TSPYL6: variants seen among roughly 807,000 people sequenced by gnomAD.
TSPYL6 encodes the protein TSPY like 6.
For missense variants in TSPYL6, 699 were observed against 531.5 expected (o/e 1.32, Z -3.10); for synonymous variants, 259 against 214.8 (o/e 1.21, Z -1.80).
In TSPYL6 at chr2:54,253,840, G is replaced by A. The variant is rs1162759046; in HGVS notation, c.*1079C>T. The A allele has an allele frequency of 6.6e-6, 1 of 152,266 alleles. No individual in the cohort carries two copies. Among genetic ancestry groups the A allele is most frequent in the Admixed American group, 6.5e-5 (1 of 15,284 alleles). 9.4% of individuals were successfully genotyped at this position (152,266 alleles called of 1,614,324 possible). A position where few individuals can be genotyped will look rare whatever the true frequency, so the allele number is the denominator to read the frequency against. On this transcript the variant is annotated 3_prime_UTR_variant, in exon 1 of 1. Transcript: ENST00000317802. Reference sequence around the variant, plus strand: ...GAAGAAAGGAGAATGGGCAATAAGAGGTCTGGCAGTCTATTTTACAGAACA... The same window carrying A: ...GAAGAAAGGAGAATGGGCAATAAGAAGTCTGGCAGTCTATTTTACAGAACA...
At position 54,255,280 on chromosome 2, in the gene TSPYL6, C is replaced by T. The variant is rs1360800937; in HGVS notation, c.872G>A (p.Gly291Asp). ...EVKELRHPRT[G>D]CKFKFFFQRN... ...TTGAAAGAAGAACTTAAACTTGCAG[C>T]CTGTCCTAGGGTGTCTGAGCTCCTT... Residue 291 changes from glycine to aspartate, a missense_variant, in exon 1 of 1, where the codon GGC becomes GAC. By Grantham distance (94) the Gly-to-Asp change is moderately conservative. Coordinates refer to ENST00000317802, the MANE Select transcript of TSPYL6 (RefSeq NM_001003937.3). The T allele has an allele frequency of 6.2e-7, 1 of 1,614,174 alleles. No homozygotes were observed. Among genetic ancestry groups the T allele is most frequent in the Non-Finnish European group, 8.5e-7 (1 of 1,180,034 alleles).
rs536180436 is a variant in TSPYL6 at position 54,256,041 on chromosome 2, T to C, written c.111A>G (p.Ala37=). 6.2e-7 allele frequency: 1 copy of C among 1,614,126 alleles called. No individual in the cohort carries two copies. The highest frequency in any genetic ancestry group is 2.2e-5 in the East Asian group (1 of 44,876). ...REKSKATEVM[A]DMFDGRLEPI... is the part of the protein sequence containing the mutation. ...GCTCCAAGCGGCCATCAAACATATC[T>C]GCCATTACCTCTGTCGCCTTGCTCT... Residue 37 remains alanine (A), a synonymous_variant, in exon 1 of 1, where the codon GCA becomes GCG. Coordinates refer to ENST00000317802, the MANE Select transcript of TSPYL6 (RefSeq NM_001003937.3).
At chr2:54,255,479 G>A in the TSPYL6 span, 1 of 1,614,008 alleles carries the variant, frequency 6.2e-7, no homozygotes. Flanking sequence ...CGCTCCACCT[G>A]CAGGAGCGCC....
At position 54,255,542 on chromosome 2, in the gene TSPYL6, G is replaced by A. The variant is rs532273037; in HGVS notation, c.610C>T (p.Pro204Ser). ...GPLNVGLHLN[P>S]LESIQLELDS... ...AGTTCCAGCTGGATGGACTCCAGGGGGTTCAGGTGGAGACCCACGTTCAGG... is the reference window on the plus strand; with the variant it reads ...AGTTCCAGCTGGATGGACTCCAGGGAGTTCAGGTGGAGACCCACGTTCAGG... The change falls in exon 1 of 1, where the codon CCC becomes TCC. Residue 204 changes from proline to serine, a missense_variant. Pro to Ser is a moderately conservative substitution (Grantham distance 74). Coordinates refer to ENST00000317802, the MANE Select transcript of TSPYL6 (RefSeq NM_001003937.3). 1.9e-6 allele frequency: 3 copies of A among 1,613,306 alleles called. No homozygotes were observed. The highest frequency in any genetic ancestry group is 1.1e-5 in the South Asian group (1 of 91,038).
chr2:54,256,048 A>G lies in TSPYL6; in HGVS notation c.104T>C (p.Val35Ala), dbSNP rs1305427705. 2 of 1,613,798 alleles carry G rather than the reference A, an allele frequency of 1.2e-6. No homozygotes were observed. The highest frequency in any genetic ancestry group is 4.5e-5 in the East Asian group (2 of 44,836). ...GCGGCCATCAAACATATCTGCCATT[A>G]CCTCTGTCGCCTTGCTCTTTTCTCG... is the stretch of plus-strand genomic sequence containing the variant. ...RSREKSKATE[V>A]MADMFDGRLE... The change falls in exon 1 of 1, where the codon GTA becomes GCA. Residue 35 changes from valine (V) to alanine (A), a missense_variant. Physicochemically the swap from Val to Ala is moderately conservative, Grantham distance 64. Transcript: ENST00000317802.
Position 54,256,180 on chromosome 2 carries a change from A to C in TSPYL6, c.-29T>G. On this transcript the variant is annotated 5_prime_UTR_variant, in exon 1 of 1. Transcript: ENST00000317802. ...GGTAGCGGCCAGGGCAGCAGTGGGT[A>C]GAGGCCAGGCCAGAGGTAGGTAGCG... is the stretch of plus-strand genomic sequence containing the variant. 1 of 1,590,194 alleles carries C rather than the reference A, an allele frequency of 6.3e-7. No individual in the cohort carries two copies. The highest frequency in any genetic ancestry group is 8.6e-7 in the Non-Finnish European group (1 of 1,167,010).
rs904991406 is a variant in TSPYL6, at chr2:54,254,787, G to T, written c.*132C>A. On this transcript the variant is annotated 3_prime_UTR_variant, in exon 1 of 1. Coordinates refer to ENST00000317802, the MANE Select transcript of TSPYL6 (RefSeq NM_001003937.3). ...TCTCAATCTTCAGGTTGAGAGAACG[G>T]AAAGTTTAAACAGAGGGTACAGGAA... The T allele has an allele frequency of 4.6e-6, 4 of 865,604 alleles. No individual in the cohort carries two copies. Among genetic ancestry groups the T allele is most frequent in the Admixed American group, 2.7e-5 (1 of 37,270 alleles). The allele number at this position is 865,604 out of a possible 1,614,324, so 53.6% of individuals were successfully genotyped here. A position where few individuals can be genotyped will look rare whatever the true frequency, so the allele number is the denominator to read the frequency against.
At position 54,256,186 on chromosome 2, in the gene TSPYL6, C is replaced by T. The variant is rs754547518; in HGVS notation, c.-35G>A. The T allele has an allele frequency of 2.5e-6, 4 of 1,579,466 alleles. No individual in the cohort carries two copies. Among genetic ancestry groups the T allele is most frequent in the South Asian group, 1.2e-5 (1 of 85,590 alleles). On this transcript the variant is annotated 5_prime_UTR_variant, in exon 1 of 1. Transcript: ENST00000317802. ...GGCCAGGGCAGCAGTGGGTAGAGGC[C>T]AGGCCAGAGGTAGGTAGCGTCAACG... is the stretch of plus-strand genomic sequence containing the variant.
Position 54,256,185 on chromosome 2 carries a change from C to T in TSPYL6, c.-34G>A. ...CGGCCAGGGCAGCAGTGGGTAGAGG[C>T]CAGGCCAGAGGTAGGTAGCGTCAAC... On this transcript the variant is annotated 5_prime_UTR_variant, in exon 1 of 1. Coordinates refer to ENST00000317802, the MANE Select transcript of TSPYL6 (RefSeq NM_001003937.3). The T allele has an allele frequency of 1.3e-6, 2 of 1,580,712 alleles. No individual in the cohort carries two copies. The highest frequency in any genetic ancestry group is 1.7e-6 in the Non-Finnish European group (2 of 1,162,338).
Position 54,254,758 on chromosome 2 carries a change from A to G in TSPYL6, c.*161T>C. On this transcript the variant is annotated 3_prime_UTR_variant, in exon 1 of 1. Coordinates refer to ENST00000317802, the MANE Select transcript of TSPYL6 (RefSeq NM_001003937.3). ...GTGAAAGGGGAGCAGCACAGCCACC[A>G]AGGTCTCAATCTTCAGGTTGAGAGA... is the stretch of plus-strand genomic sequence containing the variant. 3.0e-6 allele frequency: 2 copies of G among 662,536 alleles called. No individual in the cohort carries two copies. The highest frequency in any genetic ancestry group is 1.8e-5 in the African/African-American group (1 of 55,462). The allele number at this position is 662,536 out of a possible 1,614,324, so 41.0% of individuals were successfully genotyped here. A position where few individuals can be genotyped will look rare whatever the true frequency, so the allele number is the denominator to read the frequency against.
Position 54,255,274 on chromosome 2 carries a change from T to C in TSPYL6, c.878A>G (p.Lys293Arg). The change falls in exon 1 of 1, where the codon AAG becomes AGG. Residue 293 changes from lysine to arginine, a missense_variant. Physicochemically the swap from Lys to Arg is conservative, Grantham distance 26 (BLOSUM62 2). Transcript: ENST00000317802. The stretch of plus-strand genomic sequence containing the variant: ...GTTTCTTTGAAAGAAGAACTTAAAC[T>C]TGCAGCCTGTCCTAGGGTGTCTGAG... ...KELRHPRTGCKFKFFFQRNPY... is the reference protein window; with the variant it reads ...KELRHPRTGCRFKFFFQRNPY... 6.2e-7 allele frequency: 1 copy of C among 1,614,196 alleles called. No homozygotes were observed.
chr2:54,255,048 A>G lies in TSPYL6; in HGVS notation c.1104T>C (p.Ile368=), dbSNP rs747533997. The G allele has an allele frequency of 1.4e-5, 22 of 1,614,004 alleles. No individual in the cohort carries two copies. The Admixed American group carries it at 2.3e-4, about 17-fold the overall frequency. ...GATTTGACCAGAGGTCCTCTTTAAT[A>G]ATCTGAGCAATCCTGTCGGACTCTG... is the stretch of plus-strand genomic sequence containing the variant. ...SLPESDRIAQ[I]IKEDLWSNPL... The change falls in exon 1 of 1, where the codon ATT becomes ATC. Residue 368 remains isoleucine (I), a synonymous_variant. Coordinates refer to ENST00000317802, the MANE Select transcript of TSPYL6 (RefSeq NM_001003937.3).
Position 54,255,096 on chromosome 2 carries a change from G to A in TSPYL6, c.1056C>T (p.Thr352=). The A allele has an allele frequency of 6.2e-7, 1 of 1,614,154 alleles. No homozygotes were observed. The change falls in exon 1 of 1, where the codon ACC becomes ACT. Residue 352 remains threonine, a synonymous_variant. Transcript: ENST00000317802. ...RNRHVICSFF[T]WFSDHSLPES... ...CTGGAAGGCTGTGGTCTGAAAACCAGGTGAAGAAGCTGCAGATGACATGTC... is the reference window on the plus strand; with the variant it reads ...CTGGAAGGCTGTGGTCTGAAAACCAAGTGAAGAAGCTGCAGATGACATGTC...
At position 54,253,677 on chromosome 2, in the gene TSPYL6, A is replaced by G. The variant is rs1687343429; in HGVS notation, c.*1242T>C. On this transcript the variant is annotated 3_prime_UTR_variant, in exon 1 of 1. Coordinates refer to ENST00000317802, the MANE Select transcript of TSPYL6 (RefSeq NM_001003937.3). ...CTGAATCATTTCTGCCTTTTTGTTC[A>G]GTTTTCCCTGCCTAGAGCACCCATC... 1 of 152,328 alleles carries G rather than the reference A, an allele frequency of 6.6e-6. No homozygotes were observed. The highest frequency in any genetic ancestry group is 2.4e-5 in the African/African-American group (1 of 41,558). 9.4% of individuals were successfully genotyped at this position (152,328 alleles called of 1,614,324 possible).
Position 54,255,032 on chromosome 2 carries a change from A to G in TSPYL6, c.1120T>C (p.Trp374Arg). The G allele has an allele frequency of 6.2e-7, 1 of 1,614,188 alleles. No individual in the cohort carries two copies. The highest frequency in any genetic ancestry group is 8.5e-7 in the Non-Finnish European group (1 of 1,180,032). ...AGGTAGTACTGCAGTGGATTTGACC[A>G]GAGGTCCTCTTTAATAATCTGAGCA... is the stretch of plus-strand genomic sequence containing the variant. ...RIAQIIKEDL[W>R]SNPLQYYLLG... Residue 374 changes from tryptophan (W) to arginine (R), a missense_variant, in exon 1 of 1, where the codon TGG (tryptophan) becomes CGG (arginine). By Grantham distance (101) the Trp-to-Arg change is moderately radical. Coordinates refer to ENST00000317802, the MANE Select transcript of TSPYL6 (RefSeq NM_001003937.3).
Position 54,255,685 on chromosome 2 carries a change from G to A in TSPYL6, c.467C>T (p.Ala156Val), listed in dbSNP as rs746095026. 2 of 1,613,762 alleles carry A rather than the reference G, an allele frequency of 1.2e-6. No individual in the cohort carries two copies. Among genetic ancestry groups the A allele is most frequent in the South Asian group, 1.1e-5 (1 of 91,072 alleles). ...CTCATCCACTGGGGCTGAGAACATG[G>A]CACACTCCTCAGGCTTCACGTCCTC... ...KAEDVKPEECAMFSAPVDEKP... is the reference protein window; with the variant it reads ...KAEDVKPEECVMFSAPVDEKP... Residue 156 changes from alanine to valine, a missense_variant, in exon 1 of 1, where the codon GCC (alanine) becomes GTC (valine). By Grantham distance (64) the Ala-to-Val change is moderately conservative. Transcript: ENST00000317802.
chr2:54,255,611 C>T lies in TSPYL6; in HGVS notation c.541G>A (p.Asp181Asn). The stretch of plus-strand genomic sequence containing the variant: ...GGCCCTGCCTCCCTGTTTACCTCAT[C>T]TATTGCTCTGTTTTCTTCCGCCACG... The part of the protein sequence containing the change: ...MDVAEENRAI[D>N]EVNREAGPGP... The change falls in exon 1 of 1, where the codon GAT becomes AAT. Residue 181 changes from aspartate to asparagine, a missense_variant. Physicochemically the swap from Asp to Asn is conservative, Grantham distance 23. Coordinates refer to ENST00000317802, the MANE Select transcript of TSPYL6 (RefSeq NM_001003937.3). 2 of 1,613,734 alleles carry T rather than the reference C, an allele frequency of 1.2e-6. No homozygotes were observed. The highest frequency in any genetic ancestry group is 1.7e-6 in the Non-Finnish European group (2 of 1,179,986).
rs752957022 is a variant in TSPYL6, at chr2:54,255,200, A to C, written c.952T>G (p.Phe318Val). The C allele has an allele frequency of 6.2e-7, 1 of 1,614,092 alleles. No individual in the cohort carries two copies. Among genetic ancestry groups the C allele is most frequent in the Non-Finnish European group, 8.5e-7 (1 of 1,180,046 alleles). The stretch of plus-strand genomic sequence containing the variant: ...GTGGAAAAAGACACCACTTGGCCGA[A>C]GGATCTGACCTCATACACCTTTACA... ...LIVKVYEVRS[F>V]GQVVSFSTLI... The change falls in exon 1 of 1, where the codon TTC (phenylalanine) becomes GTC (valine). Residue 318 changes from phenylalanine (F) to valine (V), a missense_variant. Phe to Val is a conservative substitution (Grantham distance 50). Transcript: ENST00000317802.
In TSPYL6 at chr2:54,253,736, T is replaced by C. The variant is rs548602692; in HGVS notation, c.*1183A>G. 6 of 152,342 alleles carry C rather than the reference T, an allele frequency of 3.9e-5. No homozygotes were observed. The South Asian group carries it at 1.2e-3, about 32-fold the overall frequency. The allele number at this position is 152,342 out of a possible 1,614,324, so 9.4% of individuals were successfully genotyped here. On this transcript the variant is annotated 3_prime_UTR_variant, in exon 1 of 1. Transcript: ENST00000317802. The stretch of plus-strand genomic sequence containing the variant: ...TTTAGTTCTTCTATCCACTCTGAAC[T>C]AGAAATCACCTTTCATTCCATACAG...
Sources: gnomAD v4.1 joint callset for allele counts on GRCh38, gnomAD v4.1.1 for gene constraint, MANE v1.5 for transcripts, NCBI Gene and HGNC (gene_info 2026-07-23, HGNC 2026-07-21) for gene names.